Variants in SMOC2 observed in about 807,000 individuals in gnomAD.
The protein encoded by SMOC2 is SPARC related modular calcium binding 2.
SMOC2 carries 39 observed loss-of-function variants against 61.4 expected under a neutral mutation model. The ratio of observed to expected loss-of-function variants is 0.64; its 90% CI spans 0.49 to 0.83. SMOC2 has a LOEUF of 0.83. Ranked by LOEUF, SMOC2 falls within the 40% of genes least tolerant of loss-of-function variation. The pLI is 0.00. For missense variants in SMOC2, 556 were observed against 592.9 expected (o/e 0.94, Z 0.65); for synonymous variants, 247 against 239.9 (o/e 1.03, Z -0.27).
At chr6:168,489,688 T>A (rs1293023476) in intron 1 of SMOC2, among the ~76,000 whole-genome samples, 3 of 151,454 alleles carry the variant, frequency 2.0e-5, no homozygotes, top group Non-Finnish European at 4.4e-5. Context: ...TGTTTTAGAA[T>A]GAAATATATC....
At chr6:168,443,611 C>G (rs1489363332) in intron 1 of SMOC2, among the ~76,000 whole-genome samples, 2 of 152,366 alleles carry the variant, frequency 1.3e-5, no homozygotes, top group East Asian at 3.9e-4. Context: ...TACAAAGTAA[C>G]TGAGGCAGGC....
chr6:168,480,737 G>A (rs1329935775), intron 1 of SMOC2, among the ~76,000 whole-genome samples: 1 of 152,072 alleles, frequency 6.6e-6, no homozygotes, highest in Non-Finnish European at 1.5e-5. Flanking sequence ...GATCCAAGAA[G>A]CTCAATGTAC....
In SMOC2 at chr6:168,653,175, G is replaced by T. The variant is rs763231099; in HGVS notation, c.1232G>T (p.Gly411Val). The change falls in exon 11 of 13, where the codon GGC becomes GTC. Residue 411 changes from glycine (G) to valine (V), a missense_variant. Gly to Val is a moderately radical substitution (Grantham distance 109). Transcript: ENST00000356284. Reference sequence around the variant, plus strand: ...TCCATCTCCGTACAAGAACTGATGGGCTGCCTGGGCGTGGCGAAAGAGGAC... The same window carrying T: ...TCCATCTCCGTACAAGAACTGATGGTCTGCCTGGGCGTGGCGAAAGAGGAC... ...DKSISVQELMGCLGVAKEDGK... is the reference protein window; with the variant it reads ...DKSISVQELMVCLGVAKEDGK... 12 of 1,614,186 alleles carry T rather than the reference G, an allele frequency of 7.4e-6. No individual in the cohort carries two copies. In the Admixed American group the frequency reaches 1.8e-4, roughly 25 times the overall value.
intron 9 of SMOC2, among the ~76,000 whole-genome samples, chr6:168,626,392 G>C (rs1263705550): frequency 6.6e-6 from 1 of 152,198 alleles, no homozygotes; most frequent in Non-Finnish European, 1.5e-5. Context: ...ATTTCTGCAG[G>C]CACAGCTCGG....
intron 1 of SMOC2, among the ~76,000 whole-genome samples, chr6:168,503,250 G>T (rs1782779787): frequency 6.6e-6 from 1 of 150,874 alleles, no homozygotes; most frequent in African/African-American, 2.4e-5. Flanking sequence ...GCTAATTTTG[G>T]TATTTTTAGT....
intron 1 of SMOC2, among the ~76,000 whole-genome samples, chr6:168,459,024 G>A (rs559671178): frequency 6.6e-6 from 1 of 152,116 alleles, no homozygotes; most frequent in Admixed American, 6.5e-5. Flanking sequence ...CTATATCCAG[G>A]GCCTTGTTCA....
chr6:168,487,936 G>GA (rs1782373539), intron 1 of SMOC2, among the ~76,000 whole-genome samples: 1 of 152,174 alleles, frequency 6.6e-6, no homozygotes, highest in African/African-American at 2.4e-5. Flanking sequence ...CAATCATTCT[G>GA]ATTGGGGAAT....
Position 168,626,015 on chromosome 6 carries a change from C to T in SMOC2, c.907+17776C>T, listed in dbSNP as rs557075486. Among the ~76,000 whole-genome samples the T allele has an allele frequency of 1.1e-4, 17 of 152,312 alleles. No individual in the cohort carries two copies. The South Asian group carries it at 1.5e-3, about 13-fold the overall frequency. On this transcript the variant is annotated intron_variant, in intron 9 of 12. Coordinates refer to ENST00000356284, the MANE Select transcript of SMOC2 (RefSeq NM_001166412.2). Reference sequence around the variant, plus strand: ...GCAGTGAGCAAGGCAATGGTTAAGACGAGAGCTGCCTTTCTAAGAAAGCTA... The same window carrying T: ...GCAGTGAGCAAGGCAATGGTTAAGATGAGAGCTGCCTTTCTAAGAAAGCTA...
chr6:168,664,716 C>G (rs1171263964), intron 12 of SMOC2: 1 of 470,940 alleles, frequency 2.1e-6, no homozygotes, highest in African/African-American at 2.0e-5. Flanking sequence ...CTGGCTCTCC[C>G]TCTCAATTTG....
intron 1 of SMOC2, among the ~76,000 whole-genome samples, chr6:168,468,521 C>T (rs182924606): frequency 1.4e-4 from 21 of 152,316 alleles, no homozygotes; most frequent in African/African-American, 5.1e-4. Context: ...CTTTTGAATG[C>T]TGGTCTTGAC....
At chr6:168,457,925 C>T (rs1023738775) in intron 1 of SMOC2, among the ~76,000 whole-genome samples, 1 of 152,116 alleles carries the variant, frequency 6.6e-6, no homozygotes, top group Admixed American at 6.5e-5. Context: ...GTGCCATCAT[C>T]TTCTGGGGAG....
intron 1 of SMOC2, among the ~76,000 whole-genome samples, chr6:168,487,782 C>T (rs541247437): frequency 8.9e-4 from 135 of 152,148 alleles, no homozygotes; most frequent in Non-Finnish European, 1.1e-3. Context: ...GGATTACAGG[C>T]ATGAGCCACT....
chr6:168,571,965 C>G lies in SMOC2; in HGVS notation c.637+22762C>G, dbSNP rs370554261. On this transcript the variant is annotated intron_variant, in intron 7 of 12. Transcript: ENST00000356284. ...CGGGTGCCGGGACCAGGGCTGCGTG[C>G]TCCCTGAACGCGATGTTCACTTCCT... Among the ~76,000 whole-genome samples, 47 of 16,124 alleles carry G rather than the reference C, an allele frequency of 2.9e-3. 3 individuals carry two copies. The highest frequency in any genetic ancestry group is 0.024 in the African/African-American group (37 of 1,542). 10.6% of individuals were successfully genotyped at this position (16,124 alleles called of 152,430 possible). A position where few individuals can be genotyped will look rare whatever the true frequency, so the allele number is the denominator to read the frequency against.
chr6:168,498,650 G>T (rs1469394559), intron 1 of SMOC2, among the ~76,000 whole-genome samples: 3 of 152,264 alleles, frequency 2.0e-5, no homozygotes, highest in African/African-American at 7.2e-5. Flanking sequence ...GTTGCATGAG[G>T]ACGGCCAGGG....
At chr6:168,638,928 G>A (rs375040207) in intron 9 of SMOC2, among the ~76,000 whole-genome samples, 44 of 152,272 alleles carry the variant, frequency 2.9e-4, no homozygotes, top group African/African-American at 6.5e-4. Context: ...CAGCTGCTCC[G>A]TCCGTAGTGC....
chr6:168,596,052 C>T (rs982905675), intron 7 of SMOC2, among the ~76,000 whole-genome samples: 2 of 125,850 alleles, frequency 1.6e-5, no homozygotes, highest in Admixed American at 8.4e-5. Flanking sequence ...CACGTGAACA[C>T]GGCAGTGATG....
At chr6:168,625,087 G>A (rs1184922404) in intron 9 of SMOC2, among the ~76,000 whole-genome samples, 2 of 152,256 alleles carry the variant, frequency 1.3e-5, no homozygotes, top group African/African-American at 2.4e-5. Flanking sequence ...GTGAAGCGCC[G>A]CCCCCGCCCT....
rs146593072 is a variant in SMOC2, at chr6:168,620,169, C to G, written c.907+11930C>G. 3.3e-5 allele frequency among the ~76,000 whole-genome samples: 5 copies of G among 152,340 alleles called. No individual in the cohort carries two copies. In the East Asian group the frequency reaches 9.6e-4, roughly 29 times the overall value. ...TTCTTTAGCTATCGGTATTTCATCT[C>G]TTCACTGAATCATGTTTATTGTTTT... On this transcript the variant is annotated intron_variant, in intron 9 of 12. Transcript: ENST00000356284.
rs1423584816 is a variant in SMOC2 at position 168,543,675 on chromosome 6, A to G, written c.511+3A>G. The G allele has an allele frequency of 1.9e-6, 3 of 1,612,768 alleles. No homozygotes were observed. Among genetic ancestry groups the G allele is most frequent in the South Asian group, 2.2e-5 (2 of 91,012 alleles). On this transcript the variant is annotated splice_donor_region_variant and intron_variant, in intron 5 of 12. Coordinates refer to ENST00000356284, the MANE Select transcript of SMOC2 (RefSeq NM_001166412.2). ...ACGCGAAGGCACAGGAAAAACAGGT[A>G]ACTATCTTAGAATAAATGTCTATGA...
Sources: gnomAD v4.1 joint callset for allele counts (sites outside exome capture counted in the v4.1 genomes callset) on GRCh38, gnomAD v4.1.1 for gene constraint, MANE v1.5 for transcripts, NCBI Gene and HGNC (gene_info 2026-07-23, HGNC 2026-07-21) for gene names.